C2orf49: variants seen among roughly 807,000 people sequenced by gnomAD.
C2orf49 encodes the protein tRNA splicing ligase complex subunit 2.
In C2orf49, 11 loss-of-function variants were observed where a neutral mutation model predicts 20.6. That is an observed-to-expected ratio of 0.53 (90% CI 0.34 to 0.88). C2orf49 has a LOEUF of 0.88. Among genes scored for constraint, C2orf49 ranks in the 40% least tolerant of loss-of-function variants. C2orf49 has a pLI of 0.02. For missense variants in C2orf49, 289 were observed against 274.2 expected (o/e 1.05, Z -0.38); for synonymous variants, 134 against 108.5 (o/e 1.24, Z -1.46).
At chr2:105,384,054 C>CT in the C2orf49 span, among the ~76,000 whole-genome samples, 1 of 152,108 alleles carries the variant, frequency 6.6e-6, no homozygotes, top group African/African-American at 2.4e-5. Context: ...TTTTAAGGGT[C>CT]TTTCCACTAA....
downstream of C2orf49, among the ~76,000 whole-genome samples, chr2:105,352,429 G>GTTTTTTTTTTTTTTTTTTTTTTTTGT (rs61585149): frequency 6.2e-5 from 5 of 80,760 alleles, no homozygotes; most frequent in Non-Finnish European, 8.5e-5. Flanking sequence ...GTTTGTTTGG[G>GTTTTTTTTTTTTTTTTTTTTTTTTGT]TTTTTTTTTT....
the C2orf49 span, among the ~76,000 whole-genome samples, chr2:105,380,725 C>G: frequency 6.6e-6 from 1 of 151,862 alleles, no homozygotes; most frequent in Non-Finnish European, 1.5e-5. Flanking sequence ...TGCTCAAGAA[C>G]TTTAAGATGG....
At chr2:105,373,132 AC>A in the C2orf49 span, among the ~76,000 whole-genome samples, 24 of 152,282 alleles carry the variant, frequency 1.6e-4, no homozygotes, top group African/African-American at 5.8e-4. Context: ...CTCACACCCT[AC>A]GAATGCTCAG....
the C2orf49 span, among the ~76,000 whole-genome samples, chr2:105,369,644 T>TA: frequency 6.6e-6 from 1 of 152,204 alleles, no homozygotes; most frequent in South Asian, 2.1e-4. Flanking sequence ...GAAATTCAAG[T>TA]AAAAATAGTG....
the C2orf49 span, among the ~76,000 whole-genome samples, chr2:105,371,815 ATGTCGTGGT>A: frequency 6.6e-6 from 1 of 152,154 alleles, no homozygotes. Context: ...TTTTCAATTA[ATGTCGTGGT>A]TCTTATTGTT....
Position 105,345,436 on chromosome 2 carries a change from G to T in C2orf49, c.*65G>T. On this transcript the variant is annotated 3_prime_UTR_variant, in exon 4 of 4. Coordinates refer to ENST00000258457, the MANE Select transcript of C2orf49 (RefSeq NM_024093.3). ...TTTTTCAAATATGTTCATATATATTGACAATATTTACAGAAATCCTGATTA... is the reference window on the plus strand; with the variant it reads ...TTTTTCAAATATGTTCATATATATTTACAATATTTACAGAAATCCTGATTA... The T allele has an allele frequency of 1.7e-6, 2 of 1,210,406 alleles. No individual in the cohort carries two copies. Among genetic ancestry groups the T allele is most frequent in the East Asian group, 2.4e-5 (1 of 41,316 alleles). The allele number at this position is 1,210,406 out of a possible 1,614,324, so 75.0% of individuals were successfully genotyped here. A position where few individuals can be genotyped will look rare whatever the true frequency, so the allele number is the denominator to read the frequency against.
At chr2:105,379,152 A>G in the C2orf49 span, among the ~76,000 whole-genome samples, 2 of 152,150 alleles carry the variant, frequency 1.3e-5, no homozygotes, top group South Asian at 4.1e-4. Flanking sequence ...CACGTACATC[A>G]CCATTGGGAA....
In C2orf49 at chr2:105,345,785, A is replaced by T. The variant is rs1381647459; in HGVS notation, c.*414A>T. 1.2e-5 allele frequency: 2 copies of T among 162,520 alleles called. No homozygotes were observed. Among genetic ancestry groups the T allele is most frequent in the African/African-American group, 4.8e-5 (2 of 41,572 alleles). 10.1% of individuals were successfully genotyped at this position (162,520 alleles called of 1,614,324 possible). A position where few individuals can be genotyped will look rare whatever the true frequency, so the allele number is the denominator to read the frequency against. On this transcript the variant is annotated 3_prime_UTR_variant, in exon 4 of 4. Coordinates refer to ENST00000258457, the MANE Select transcript of C2orf49 (RefSeq NM_024093.3). ...TGAGACCAGCCTGACCAACATGGAGAAACCCCGTCTCTACTAAAAAATACA... is the reference window on the plus strand; with the variant it reads ...TGAGACCAGCCTGACCAACATGGAGTAACCCCGTCTCTACTAAAAAATACA...
the C2orf49 span, among the ~76,000 whole-genome samples, chr2:105,368,352 G>C: frequency 6.6e-6 from 1 of 151,848 alleles, no homozygotes; most frequent in Admixed American, 6.6e-5. Context: ...TTGTTTTCGA[G>C]ACAGGGTCTC....
At position 105,343,022 on chromosome 2, in the gene C2orf49, G is replaced by A. The variant is rs1210336566; in HGVS notation, c.441G>A (p.Ser147=). 2 of 1,614,180 alleles carry A rather than the reference G, an allele frequency of 1.2e-6. No homozygotes were observed. Among genetic ancestry groups the A allele is most frequent in the Admixed American group, 3.3e-5 (2 of 60,020 alleles). ...TTAGAAAATTATCAAATTCCTCTTC[G>A]AGTGTTTCACCCCTAATTTTGTCTT... ...NAFRKLSNSS[S]SVSPLILSSN... The change falls in exon 3 of 4, where the codon TCG becomes TCA. Residue 147 remains serine (S), a synonymous_variant. Transcript: ENST00000258457.
At chr2:105,373,458 C>T in the C2orf49 span, 17 of 1,299,212 alleles carry the variant, frequency 1.3e-5, no homozygotes, top group Admixed American at 1.7e-4. Context: ...AAAGTCAACA[C>T]GAGTGTCTGG....
the C2orf49 span, chr2:105,361,548 A>G: frequency 1.1e-6 from 1 of 875,452 alleles, no homozygotes; most frequent in Non-Finnish European, 1.7e-6. Flanking sequence ...TAATATGGAT[A>G]ATGTGAATTT....
the C2orf49 span, among the ~76,000 whole-genome samples, chr2:105,354,887 A>G: frequency 2.6e-5 from 4 of 152,152 alleles, no homozygotes; most frequent in African/African-American, 7.3e-5. Context: ...TTTGCTAAAC[A>G]GAGAAAAATG....
At chr2:105,360,417 T>C in the C2orf49 span, 4 of 150,726 alleles carry the variant, frequency 2.7e-5, no homozygotes, top group African/African-American at 9.8e-5. Context: ...AGTTCAGTGG[T>C]GCCATCTCAG....
downstream of C2orf49, among the ~76,000 whole-genome samples, chr2:105,350,376 C>G (rs1679906381): frequency 6.6e-6 from 1 of 152,134 alleles, no homozygotes; most frequent in Non-Finnish European, 1.5e-5. Context: ...AGAAGGTAGG[C>G]AGGAGCCAGA....
chr2:105,354,726 G>A, the C2orf49 span, among the ~76,000 whole-genome samples: 3 of 151,968 alleles, frequency 2.0e-5, no homozygotes, highest in South Asian at 6.2e-4. Context: ...TTATCACAAA[G>A]TTTAAGTATG....
the C2orf49 span, chr2:105,359,342 G>A: frequency 6.6e-6 from 1 of 152,128 alleles, no homozygotes; most frequent in Non-Finnish European, 1.5e-5. Flanking sequence ...AACTAACAAA[G>A]GATGAAATTA....
chr2:105,363,312 ACTT>A, the C2orf49 span: 1 of 1,614,180 alleles, frequency 6.2e-7, no homozygotes, highest in Non-Finnish European at 8.5e-7. Flanking sequence ...CACCCAGCAC[ACTT>A]CTTGGCATAC....
At chr2:105,350,866 A>G (rs1430874751), downstream of C2orf49, among the ~76,000 whole-genome samples, 1 of 152,126 alleles carries the variant, frequency 6.6e-6, no homozygotes, top group East Asian at 1.9e-4. Context: ...CCTTTGTTGA[A>G]ATGACTCATT....
Sources: gnomAD v4.1 joint callset for allele counts (sites outside exome capture counted in the v4.1 genomes callset) on GRCh38, gnomAD v4.1.1 for gene constraint, MANE v1.5 for transcripts, NCBI Gene and HGNC (gene_info 2026-07-23, HGNC 2026-07-21) for gene names.